The following SLC14A2 variants were observed in gnomAD, a reference collection of about 807,000 sequenced individuals.
SLC14A2 encodes solute carrier family 14 member 2.
In SLC14A2, 91 loss-of-function variants were observed where a neutral mutation model predicts 104.6. The ratio of observed to expected loss-of-function variants is 0.87; its 90% CI spans 0.73 to 1.04. The LOEUF (loss-of-function observed/expected upper bound fraction) is 1.04. Among genes scored for constraint, SLC14A2 ranks in the 50% least tolerant of loss-of-function variants. The probability of loss-of-function intolerance (pLI) is 0.00; values close to 1 mark genes in which losing one functional copy is unlikely to be tolerated. For synonymous variants in SLC14A2, 476 were observed against 466.4 expected (o/e 1.02, Z -0.27); for missense variants, 1,189 against 1,156.0 (o/e 1.03, Z -0.41).
At chr18:45,596,188 T>C (rs2044716759) in intron 2 of SLC14A2, among the ~76,000 whole-genome samples, 1 of 152,152 alleles carries the variant, frequency 6.6e-6, no homozygotes, top group African/African-American at 2.4e-5. Context: ...AATTAATTAA[T>C]GTGGGTAAAC....
chr18:45,682,743 A>G lies in SLC14A2; in HGVS notation c.*224A>G. On this transcript the variant is annotated 3_prime_UTR_variant, in exon 20 of 20. Transcript: ENST00000255226. ...TAGACTTTATACCCTTAGCTTTCCCATAAGAGCTCCCTTTGTGGGGAACTT... is the reference window on the plus strand; with the variant it reads ...TAGACTTTATACCCTTAGCTTTCCCGTAAGAGCTCCCTTTGTGGGGAACTT... 1 of 499,156 alleles carries G rather than the reference A, an allele frequency of 2.0e-6. No individual in the cohort carries two copies. The highest frequency in any genetic ancestry group is 2.2e-5 in the South Asian group (1 of 45,602). 30.9% of individuals were successfully genotyped at this position (499,156 alleles called of 1,614,324 possible). A position where few individuals can be genotyped will look rare whatever the true frequency, so the allele number is the denominator to read the frequency against.
At position 45,565,969 on chromosome 18, in the gene SLC14A2, G is replaced by A. The variant is rs564973323; in HGVS notation, c.-34-58662G>A. Among the ~76,000 whole-genome samples, 16 of 152,320 alleles carry A rather than the reference G, an allele frequency of 1.1e-4. 1 individual carries two copies. The South Asian group carries it at 3.1e-3, about 30-fold the overall frequency. On this transcript the variant is annotated intron_variant, in intron 2 of 20. Coordinates refer to the SLC14A2 transcript ENST00000586448. ...GTCACAAGGCACTAGAGTGTCAGGT[G>A]GGGACATGTGTGTTTTGTTTCAATG...
chr18:45,675,855 C>G (rs1466314312), intron 18 of SLC14A2, among the ~76,000 whole-genome samples: 3 of 151,288 alleles, frequency 2.0e-5, no homozygotes, highest in African/African-American at 7.3e-5. Context: ...ATCTAGAAAA[C>G]CTGGAACACG....
the SLC14A2 span, chr18:45,168,847 A>G: frequency 1.3e-5 from 2 of 152,180 alleles, no homozygotes; most frequent in Non-Finnish European, 2.9e-5. Flanking sequence ...GGTTTTCATT[A>G]TAAAATCTCC....
chr18:45,341,630 A>T (rs1478541187), intron 1 of SLC14A2, among the ~76,000 whole-genome samples: 3 of 65,388 alleles, frequency 4.6e-5, no homozygotes, highest in African/African-American at 1.3e-4. Flanking sequence ...TTTGAGATGG[A>T]CTTTTACTTG....
At chr18:45,211,724 T>C (rs1214260914), upstream of SLC14A2, among the ~76,000 whole-genome samples, 2 of 152,202 alleles carry the variant, frequency 1.3e-5, no homozygotes, top group East Asian at 3.8e-4. Flanking sequence ...CAATGTACAC[T>C]ACATTCTTTA....
chr18:45,262,079 G>A (rs2084544931), intron 1 of SLC14A2, among the ~76,000 whole-genome samples: 1 of 152,138 alleles, frequency 6.6e-6, no homozygotes, highest in South Asian at 2.1e-4. Flanking sequence ...GTTGTTTCCT[G>A]ACTTTTTAAT....
At chr18:45,665,981 C>T (rs1252982627) in intron 11 of SLC14A2, among the ~76,000 whole-genome samples, 156 bp from the exon 12 acceptor site, 4 of 152,046 alleles carry the variant, frequency 2.6e-5, no homozygotes, top group Non-Finnish European at 5.9e-5. Context: ...AACAAAAGAG[C>T]CTTCGAGCTG....
At chr18:45,238,445 T>C (rs2084278319) in intron 1 of SLC14A2, among the ~76,000 whole-genome samples, 1 of 152,170 alleles carries the variant, frequency 6.6e-6, no homozygotes, top group African/African-American at 2.4e-5. Flanking sequence ...TTTGAGGGAT[T>C]GCTACTCCCA....
intron 2 of SLC14A2, among the ~76,000 whole-genome samples, chr18:45,584,268 T>G (rs2044537620): frequency 6.6e-6 from 1 of 152,216 alleles, no homozygotes; most frequent in South Asian, 2.1e-4. Flanking sequence ...GAAATGGTAC[T>G]TGTCTTGTGG....
intron 1 of SLC14A2, among the ~76,000 whole-genome samples, chr18:45,404,238 C>A (rs2086128861): frequency 6.6e-6 from 1 of 152,120 alleles, no homozygotes; most frequent in Non-Finnish European, 1.5e-5. Flanking sequence ...TCCTTGGGTT[C>A]TTACTGTCTA....
intron 1 of SLC14A2, among the ~76,000 whole-genome samples, chr18:45,433,550 C>T (rs1486314973): frequency 1.3e-5 from 2 of 152,220 alleles, no homozygotes; most frequent in Non-Finnish European, 2.9e-5. Context: ...TTCTATCACA[C>T]TTCTCCGCCT....
At chr18:45,439,751 T>G (rs997503059) in intron 1 of SLC14A2, among the ~76,000 whole-genome samples, 5 of 152,092 alleles carry the variant, frequency 3.3e-5, no homozygotes, top group African/African-American at 9.7e-5. Context: ...CAGCACAGTG[T>G]TGGGGGTGAG....
chr18:45,262,020 A>G (rs1336908635), intron 1 of SLC14A2, among the ~76,000 whole-genome samples: 1 of 152,162 alleles, frequency 6.6e-6, no homozygotes. Context: ...TTACAGTCCC[A>G]CCAACAGTGT....
intron 1 of SLC14A2, among the ~76,000 whole-genome samples, chr18:45,323,869 TGA>T (rs1453158760): frequency 1.3e-5 from 2 of 152,148 alleles, no homozygotes; most frequent in Non-Finnish European, 1.5e-5. Context: ...TAACAGACAT[TGA>T]GAAGTTGCAG....
intron 1 of SLC14A2, chr18:45,423,625 C>T (rs955604008): frequency 1.3e-5 from 2 of 152,078 alleles, no homozygotes; most frequent in Admixed American, 6.6e-5. Context: ...CAAAGATGAC[C>T]TCTGAGCTGG....
At position 45,600,729 on chromosome 18, in the gene SLC14A2, T is replaced by C. The variant is rs906772421; in HGVS notation, c.-34-23902T>C. 2.0e-5 allele frequency among the ~76,000 whole-genome samples: 3 copies of C among 152,108 alleles called. No homozygotes were observed. The East Asian group carries it at 5.8e-4, about 29-fold the overall frequency. On this transcript the variant is annotated intron_variant, in intron 2 of 20. Coordinates refer to the SLC14A2 transcript ENST00000586448. ...ATGAACCAAGGGAGGCAGCAGGAGG[T>C]AGGACTGAGTGTGAGCAGAAGATCT...
chr18:45,440,916 T>C (rs1003816798), intron 1 of SLC14A2, among the ~76,000 whole-genome samples: 5 of 152,146 alleles, frequency 3.3e-5, no homozygotes, highest in Non-Finnish European at 7.4e-5. Flanking sequence ...GCCGGGAGAA[T>C]AAAAAGACAA....
At chr18:45,418,960 C>T (rs1019706169) in intron 1 of SLC14A2, among the ~76,000 whole-genome samples, 2 of 152,026 alleles carry the variant, frequency 1.3e-5, no homozygotes, top group African/African-American at 4.8e-5. Context: ...GAGGGGAGGA[C>T]GGTTAGGAAA....
Sources: gnomAD v4.1 joint callset for allele counts (sites outside exome capture counted in the v4.1 genomes callset) on GRCh38, gnomAD v4.1.1 for gene constraint, MANE v1.5 for transcripts, NCBI Gene and HGNC (gene_info 2026-07-23, HGNC 2026-07-21) for gene names.